CENPF: variants seen among roughly 807,000 people sequenced by gnomAD.
CENPF encodes the protein centromere protein F.
A neutral mutation model predicts 307.3 loss-of-function variants in CENPF; 214 were observed. The observed-to-expected ratio is 0.70, with a 90% CI of 0.62 to 0.78. CENPF has a LOEUF of 0.78. Among genes scored for constraint, CENPF ranks in the 30% least tolerant of loss-of-function variants. The pLI is 0.00. For missense variants in CENPF, 3,401 were observed against 3,483.9 expected (o/e 0.98, Z 0.60); for synonymous variants, 1,259 against 1,270.6 (o/e 0.99, Z 0.19).
chr1:214,621,619 A>T (rs1571700812), intron 6 of CENPF, among the ~76,000 whole-genome samples: 1 of 152,206 alleles, frequency 6.6e-6, no homozygotes, highest in Admixed American at 6.5e-5. Context: ...GGAGGTTCAC[A>T]CTGTCTTGAT....
chr1:214,663,814 A>T lies in CENPF; in HGVS notation c.*20A>T. On this transcript the variant is annotated 3_prime_UTR_variant, in exon 20 of 20. Transcript: ENST00000366955. ...CAGTGAAGGCACTTTGTGTGTCAGT[A>T]CCCCTGGGAGGTGCCAGTCATTGAA... is the stretch of plus-strand genomic sequence containing the variant. 1.2e-6 allele frequency: 2 copies of T among 1,601,270 alleles called. No homozygotes were observed. The highest frequency in any genetic ancestry group is 2.2e-5 in the South Asian group (2 of 90,196).
chr1:214,649,520 T>A (rs1658405082), intron 14 of CENPF, among the ~76,000 whole-genome samples: 1 of 152,214 alleles, frequency 6.6e-6, no homozygotes, highest in South Asian at 2.1e-4. Context: ...AATAAGATAG[T>A]CATGATTGCG....
chr1:214,629,277 T>C (rs1657741060), intron 8 of CENPF, 106 bp downstream of exon 8: 2 of 1,112,724 alleles, frequency 1.8e-6, no homozygotes, highest in South Asian at 4.2e-5. Flanking sequence ...TGGGAAATTC[T>C]CTTAGAGGAG....
At chr1:214,621,809 C>A (rs912479235) in intron 6 of CENPF, among the ~76,000 whole-genome samples, 4 of 152,136 alleles carry the variant, frequency 2.6e-5, no homozygotes, top group African/African-American at 9.7e-5. Flanking sequence ...AAGAAGATAG[C>A]GTTCCTGATT....
In CENPF at chr1:214,646,234, A is replaced by C; in HGVS notation, c.6664A>C (p.Lys2222Gln). The stretch of plus-strand genomic sequence containing the variant: ...AAATCTGACAAAACAAATACAAGAA[A>C]AACAAGGTCAGTTGTCAGAACTAGA... Reference protein sequence around the residue: ...KENLTKQIQEKQGQLSELDKL... With the variant: ...KENLTKQIQEQQGQLSELDKL... The change falls in exon 13 of 20, where the codon AAA (lysine) becomes CAA (glutamine). Residue 2222 changes from lysine to glutamine, a missense_variant. By Grantham distance (53) the Lys-to-Gln change is moderately conservative. Coordinates refer to ENST00000366955, the MANE Select transcript of CENPF (RefSeq NM_016343.4). The C allele has an allele frequency of 6.2e-7, 1 of 1,613,614 alleles. No homozygotes were observed. The highest frequency in any genetic ancestry group is 1.7e-4 in the Middle Eastern group (1 of 6,058).
intron 5 of CENPF, among the ~76,000 whole-genome samples, chr1:214,619,902 A>G (rs567408034): frequency 5.9e-4 from 90 of 152,362 alleles, no homozygotes; most frequent in South Asian, 1.7e-3. Flanking sequence ...TTAAGTACTC[A>G]TTCTCTAGTT....
Position 214,641,112 on chromosome 1 carries a change from C to T in CENPF, c.2774C>T (p.Ala925Val). Residue 925 changes from alanine to valine, a missense_variant, in exon 12 of 20, where the codon GCA becomes GTA. Ala to Val is a moderately conservative substitution (Grantham distance 64, BLOSUM62 0). Transcript: ENST00000366955. ...AATGATAAGGTAGAAACTGAGCAGG[C>T]AGAGATTCAAGAATTAAAAAAGAGC... The part of the protein sequence containing the change: ...LLNDKVETEQ[A>V]EIQELKKSNH... 6.3e-7 allele frequency: 1 copy of T among 1,579,430 alleles called. No homozygotes were observed.
intron 1 of CENPF, among the ~76,000 whole-genome samples, chr1:214,606,603 C>T (rs1410146058): frequency 6.6e-6 from 1 of 152,178 alleles, no homozygotes; most frequent in Non-Finnish European, 1.5e-5. Context: ...TTTGGACTCT[C>T]GGAGTCCCCA....
In CENPF at chr1:214,617,111, GCA is replaced by G. The variant is rs1657382283; in HGVS notation, c.360-1459_360-1458del. Among the ~76,000 whole-genome samples the G allele has an allele frequency of 3.3e-5, 5 of 150,920 alleles. No individual in the cohort carries two copies. In the South Asian group the frequency reaches 1.0e-3, roughly 32 times the overall value. ...GCCCAGGCTGGAGTGCAGTGCTGTG[GCA>G]CAGTTTCAGCTCACTGCAACCTCCG... On this transcript the variant is annotated intron_variant, in intron 3 of 19. Transcript: ENST00000366955.
intron 12 of CENPF, among the ~76,000 whole-genome samples, chr1:214,643,678 C>T (rs564957875): frequency 1.2e-3 from 184 of 150,940 alleles, no homozygotes; most frequent in Middle Eastern, 3.4e-3. Context: ...TAAGAACTTA[C>T]AAATGGTAAT....
chr1:214,652,229 G>GA (rs1476807677), intron 15 of CENPF, among the ~76,000 whole-genome samples: 2 of 150,954 alleles, frequency 1.3e-5, no homozygotes, highest in Non-Finnish European at 3.0e-5. Context: ...TAGTGATGGG[G>GA]TTTCACTGTG....
In CENPF at chr1:214,629,110, C is replaced by T. The variant is rs1392083868; in HGVS notation, c.1133C>T (p.Ala378Val). Residue 378 changes from alanine (A) to valine (V), a missense_variant, in exon 8 of 20, where the codon GCA (alanine) becomes GTA (valine). Physicochemically the swap from Ala to Val is moderately conservative, Grantham distance 64 (BLOSUM62 0). Coordinates refer to ENST00000366955, the MANE Select transcript of CENPF (RefSeq NM_016343.4). ...GATTTGAGTTGTCAGCGACAAAATG[C>T]AGAAAGTGCCAGATGTTCTCTGGAA... ...TEDLSCQRQN[A>V]ESARCSLEQK... 2 of 1,611,214 alleles carry T rather than the reference C, an allele frequency of 1.2e-6. No individual in the cohort carries two copies. Among genetic ancestry groups the T allele is most frequent in the Admixed American group, 1.7e-5 (1 of 59,506 alleles).
chr1:214,647,103 A>C lies in CENPF; in HGVS notation c.7533A>C (p.Glu2511Asp). The change falls in exon 13 of 20, where the codon GAA (glutamate) becomes GAC (aspartate). Residue 2511 changes from glutamate (E) to aspartate (D), a missense_variant. By Grantham distance (45) the Glu-to-Asp change is conservative. Coordinates refer to ENST00000366955, the MANE Select transcript of CENPF (RefSeq NM_016343.4). The stretch of plus-strand genomic sequence containing the variant: ...TGAATGGCCTCATTCAAGAAGTAGA[A>C]GATGGCAAGCAGAAACTGGAGAAGA... Reference protein sequence around the residue: ...SSVNGLIQEVEDGKQKLEKKD... With the variant: ...SSVNGLIQEVDDGKQKLEKKD... The C allele has an allele frequency of 6.2e-7, 1 of 1,614,090 alleles. No individual in the cohort carries two copies. Among genetic ancestry groups the C allele is most frequent in the Non-Finnish European group, 8.5e-7 (1 of 1,179,990 alleles).
intron 1 of CENPF, chr1:214,605,622 G>A (rs1195346756): frequency 1.4e-6 from 2 of 1,450,926 alleles, no homozygotes; most frequent in Non-Finnish European, 1.9e-6. Flanking sequence ...GCCGGCGCGG[G>A]GTGAGGTCCG....
Position 214,659,024 on chromosome 1 carries a change from A to G in CENPF, c.9137A>G (p.Gln3046Arg), listed in dbSNP as rs371811978. The change falls in exon 19 of 20, where the codon CAA (glutamine) becomes CGA (arginine). Residue 3046 changes from glutamine (Q) to arginine (R), a missense_variant. Physicochemically the swap from Gln to Arg is conservative, Grantham distance 43 (BLOSUM62 1). Transcript: ENST00000366955. The surrounding 1 kb of genome is among the most constrained non-coding windows in gnomAD (Gnocchi z 4.4). Reference protein sequence around the residue: ...SKPTAGGSRSQKVKVAQRSPV... With the variant: ...SKPTAGGSRSRKVKVAQRSPV... ...CCAACAGCTGGTGGCAGCAGATCAC[A>G]AAAGGTAAACTACTGTCAACATCCG... The G allele has an allele frequency of 1.9e-6, 3 of 1,614,020 alleles. No homozygotes were observed. The highest frequency in any genetic ancestry group is 2.5e-6 in the Non-Finnish European group (3 of 1,179,964).
Position 214,640,537 on chromosome 1 carries a change from A to C in CENPF, c.2199A>C (p.Glu733Asp), listed in dbSNP as rs754665134. 7.4e-6 allele frequency: 12 copies of C among 1,614,170 alleles called. No individual in the cohort carries two copies. The highest frequency in any genetic ancestry group is 9.3e-6 in the Non-Finnish European group (11 of 1,180,010). Residue 733 changes from glutamate to aspartate, a missense_variant, in exon 12 of 20, where the codon GAA becomes GAC. By Grantham distance (45) the Glu-to-Asp change is conservative. Coordinates refer to ENST00000366955, the MANE Select transcript of CENPF (RefSeq NM_016343.4). ...CTTCTCAGCTTACTGGGCAAGTTGAAGATCTAGAACACAAGCTTCAGTTAC... is the reference window on the plus strand; with the variant it reads ...CTTCTCAGCTTACTGGGCAAGTTGACGATCTAGAACACAAGCTTCAGTTAC... ...LKTSQLTGQV[E>D]DLEHKLQLLS...
chr1:214,645,217 G>A lies in CENPF; in HGVS notation c.5647G>A (p.Gly1883Arg), dbSNP rs749116938. Residue 1883 changes from glycine to arginine, a missense_variant, in exon 13 of 20, where the codon GGA becomes AGA. Physicochemically the swap from Gly to Arg is moderately radical, Grantham distance 125. Transcript: ENST00000366955. ...HADKSSREDI[G>R]DNVAKVNDSW... The stretch of plus-strand genomic sequence containing the variant: ...AGATAAATCATCACGTGAAGATATT[G>A]GAGATAATGTGGCCAAGGTGAATGA... 3.7e-6 allele frequency: 6 copies of A among 1,614,032 alleles called. No individual in the cohort carries two copies. In the South Asian group the frequency reaches 4.4e-5, roughly 12 times the overall value.
intron 8 of CENPF, 150 bp from the exon 9 acceptor site, chr1:214,630,384 A>C: frequency 1.1e-6 from 1 of 907,068 alleles, no homozygotes; most frequent in South Asian, 1.8e-5. Flanking sequence ...ACCAAGGCTG[A>C]CTATGTTCAT....
intron 7 of CENPF, among the ~76,000 whole-genome samples, chr1:214,622,743 A>AGAAAAAGGCC (rs1558174130): frequency 2.4e-4 from 32 of 131,156 alleles, no homozygotes; most frequent in African/African-American, 1.0e-3. Flanking sequence ...AGGGGGAAAA[A>AGAAAAAGGCC]AGATCGTATA....
Sources: gnomAD v4.1 joint callset for allele counts (sites outside exome capture counted in the v4.1 genomes callset) on GRCh38, gnomAD v4.1.1 for gene constraint, Gnocchi (gnomAD v3.1) non-coding constraint, MANE v1.5 for transcripts, NCBI Gene and HGNC (gene_info 2026-07-23, HGNC 2026-07-21) for gene names.